GNAI1: variants seen among roughly 807,000 people sequenced by gnomAD.
GNAI1 encodes the protein G protein subunit alpha i1, also known as guanine nucleotide-binding protein G(i) subunit alpha-1.
In GNAI1, 11 loss-of-function variants were observed where a neutral mutation model predicts 38.9. That is an observed-to-expected ratio of 0.28 (90% CI 0.18 to 0.47). GNAI1 has a LOEUF of 0.47. GNAI1 is among the 20% of genes least tolerant of loss of function. The probability of loss-of-function intolerance (pLI) is 0.99; values close to 1 mark genes in which losing one functional copy is unlikely to be tolerated. For missense variants in GNAI1, 317 were observed against 436.9 expected (o/e 0.73, Z 2.45); for synonymous variants, 166 against 145.1 (o/e 1.14, Z -1.04).
intron 1 of GNAI1, among the ~76,000 whole-genome samples, chr7:80,155,511 A>G (rs1787803181): frequency 6.6e-6 from 1 of 152,212 alleles, no homozygotes; most frequent in Non-Finnish European, 1.5e-5. Context: ...TGATTTCATC[A>G]GGATTAAACA....
chr7:80,218,981 G>C lies in GNAI1; in HGVS notation c.*1488G>C, dbSNP rs559174215. On this transcript the variant is annotated 3_prime_UTR_variant, in exon 8 of 8. Transcript: ENST00000649796. ...GGTTAGTCTTTCAGTACACGTTGCT[G>C]GTAAGTAGTTTCCAAGTTACGTGTT... 13 of 151,824 alleles carry C rather than the reference G, an allele frequency of 8.6e-5. No individual in the cohort carries two copies. Among genetic ancestry groups the C allele is most frequent in the African/African-American group, 2.9e-4 (12 of 41,228 alleles). The allele number at this position is 151,824 out of a possible 1,614,324, so 9.4% of individuals were successfully genotyped here.
intron 1 of GNAI1, among the ~76,000 whole-genome samples, chr7:80,160,645 G>A (rs1165904801): frequency 6.6e-6 from 1 of 152,064 alleles, no homozygotes; most frequent in Non-Finnish European, 1.5e-5. Flanking sequence ...GTTTGCCAGT[G>A]TATTATCTGT....
At chr7:80,203,986 G>A (rs1297188711) in intron 5 of GNAI1, among the ~76,000 whole-genome samples, 154 bp downstream of exon 5, 1 of 152,062 alleles carries the variant, frequency 6.6e-6, no homozygotes, top group Admixed American at 6.5e-5. Flanking sequence ...GAATGTTTGG[G>A]AGAAAGAAGT....
At chr7:80,196,712 T>C (rs1051640769) in intron 3 of GNAI1, among the ~76,000 whole-genome samples, 1 of 151,900 alleles carries the variant, frequency 6.6e-6, no homozygotes, top group Non-Finnish European at 1.5e-5. Context: ...GTCAGATTTA[T>C]TGCCTGAAAG....
At chr7:80,212,959 C>T (rs1788899488) in intron 7 of GNAI1, 90 bp downstream of exon 7, 1 of 884,590 alleles carries the variant, frequency 1.1e-6, no homozygotes, top group African/African-American at 1.8e-5. Context: ...TAATTTAAAT[C>T]TCTTGGCTTA....
chr7:80,153,409 T>C lies in GNAI1; in HGVS notation c.118+18131T>C, dbSNP rs571866859. ...TAAAGTATGTTTGAGCACTGATTTGTCTAATTATCAAATTGGAAATAAAAC... is the reference window on the plus strand; with the variant it reads ...TAAAGTATGTTTGAGCACTGATTTGCCTAATTATCAAATTGGAAATAAAAC... On this transcript the variant is annotated intron_variant, in intron 1 of 7. Coordinates refer to ENST00000649796, the MANE Select transcript of GNAI1 (RefSeq NM_002069.6). Among the ~76,000 whole-genome samples, 8 of 152,320 alleles carry C rather than the reference T, an allele frequency of 5.3e-5. No individual in the cohort carries two copies. In the East Asian group the frequency reaches 1.4e-3, roughly 26 times the overall value.
At chr7:80,156,144 G>A (rs553011574) in intron 1 of GNAI1, among the ~76,000 whole-genome samples, 7 of 151,940 alleles carry the variant, frequency 4.6e-5, no homozygotes, top group Admixed American at 2.0e-4. Context: ...AGAGCTGTTG[G>A]TGCAGGCATT....
chr7:80,160,050 T>C (rs2714453), intron 1 of GNAI1, among the ~76,000 whole-genome samples: 151,498 of 152,274 alleles, frequency 0.99, 75,363 homozygotes, highest in Middle Eastern at 1. Context: ...TACTTGGCTT[T>C]AAGGATCTGT....
intron 1 of GNAI1, among the ~76,000 whole-genome samples, chr7:80,163,198 C>T (rs1787952994): frequency 1.3e-5 from 2 of 152,108 alleles, no homozygotes; most frequent in African/African-American, 4.8e-5. Flanking sequence ...CATTGAAATA[C>T]AGAATGGTCC....
At chr7:80,146,833 C>T (rs1489618811) in intron 1 of GNAI1, among the ~76,000 whole-genome samples, 1 of 152,202 alleles carries the variant, frequency 6.6e-6, no homozygotes, top group African/African-American at 2.4e-5. Context: ...ATTTAAAACA[C>T]TGCCTTGCAC....
chr7:80,151,863 C>T (rs1359650631), intron 1 of GNAI1, among the ~76,000 whole-genome samples: 3 of 152,038 alleles, frequency 2.0e-5, no homozygotes, highest in African/African-American at 7.2e-5. Context: ...ACATTATTTA[C>T]GGGAGGGATA....
chr7:80,203,665 AT>A, intron 4 of GNAI1, 38 bp from the exon 5 acceptor site: 1 of 1,359,840 alleles, frequency 7.4e-7, no homozygotes, highest in Admixed American at 2.0e-5. Context: ...TATTGGCTAT[AT>A]TTACCATTAA....
At chr7:80,211,841 T>A (rs553092762) in intron 6 of GNAI1, among the ~76,000 whole-genome samples, 1 of 152,360 alleles carries the variant, frequency 6.6e-6, no homozygotes, top group East Asian at 1.9e-4. Flanking sequence ...CATTTTAAGT[T>A]AACTTTATTA....
intron 3 of GNAI1, among the ~76,000 whole-genome samples, chr7:80,197,567 T>A (rs185652914): frequency 3.2e-4 from 49 of 152,162 alleles, no homozygotes; most frequent in Admixed American, 1.2e-3. Flanking sequence ...AATGGTCAAA[T>A]TCAGAAATTT....
At chr7:80,186,440 A>G (rs550678847) in intron 1 of GNAI1, among the ~76,000 whole-genome samples, 55 of 152,308 alleles carry the variant, frequency 3.6e-4, no homozygotes, top group Admixed American at 1.1e-3. Context: ...TTATTTGAAG[A>G]GATAAAAAGT....
At position 80,218,984 on chromosome 7, in the gene GNAI1, A is replaced by G. The variant is rs1179097488; in HGVS notation, c.*1491A>G. On this transcript the variant is annotated 3_prime_UTR_variant, in exon 8 of 8. Coordinates refer to ENST00000649796, the MANE Select transcript of GNAI1 (RefSeq NM_002069.6). ...TAGTCTTTCAGTACACGTTGCTGGT[A>G]AGTAGTTTCCAAGTTACGTGTTGTC... is the stretch of plus-strand genomic sequence containing the variant. The G allele has an allele frequency of 6.6e-6, 1 of 151,032 alleles. No individual in the cohort carries two copies. The highest frequency in any genetic ancestry group is 2.4e-5 in the African/African-American group (1 of 40,988). The allele number at this position is 151,032 out of a possible 1,614,324, so 9.4% of individuals were successfully genotyped here.
intron 1 of GNAI1, among the ~76,000 whole-genome samples, chr7:80,156,042 C>CAAAAAA (rs1182960135): frequency 4.7e-4 from 32 of 68,458 alleles, no homozygotes; most frequent in Non-Finnish European, 6.6e-4. Flanking sequence ...GACTCTGTCT[C>CAAAAAA]AAAAAAAAAA....
At chr7:80,167,686 A>G (rs1196497439) in intron 1 of GNAI1, among the ~76,000 whole-genome samples, 1 of 152,206 alleles carries the variant, frequency 6.6e-6, no homozygotes, top group East Asian at 1.9e-4. Context: ...CTTATATAGA[A>G]TCATTTATAG....
At chr7:80,148,479 G>A (rs1787666388) in intron 1 of GNAI1, among the ~76,000 whole-genome samples, 1 of 150,902 alleles carries the variant, frequency 6.6e-6, no homozygotes, top group African/African-American at 2.4e-5. Context: ...CATTGTATTT[G>A]GGTATATGTC....
Sources: gnomAD v4.1 joint callset for allele counts (sites outside exome capture counted in the v4.1 genomes callset) on GRCh38, gnomAD v4.1.1 for gene constraint, MANE v1.5 for transcripts, NCBI Gene and HGNC (gene_info 2026-07-23, HGNC 2026-07-21) for gene names.